TGM2: variants seen among roughly 807,000 people sequenced by gnomAD.
The protein encoded by TGM2 is protein-glutamine gamma-glutamyltransferase 2.
Under a neutral mutation model 75.6 loss-of-function variants are expected in TGM2, and 53 were observed. The observed-to-expected ratio is 0.70, with a 90% CI of 0.56 to 0.88. The LOEUF (loss-of-function observed/expected upper bound fraction) is 0.88. Among genes scored for constraint, TGM2 ranks in the 40% least tolerant of loss-of-function variants. TGM2 has a pLI of 0.00. For missense variants in TGM2, 842 were observed against 928.5 expected, an observed-to-expected ratio of 0.91 and a Z score of 1.21; for synonymous variants, 374 against 381.1, an observed-to-expected ratio of 0.98 and a Z score of 0.22.
chr20:38,158,636 T>G (rs544466436), intron 2 of TGM2, among the ~76,000 whole-genome samples: 133 of 152,304 alleles, frequency 8.7e-4, no homozygotes, highest in Non-Finnish European at 1.5e-3. Context: ...GGATGGCATT[T>G]GTCTAGTGTG....
At chr20:38,135,710 G>T (rs1483168869) in intron 10 of TGM2, among the ~76,000 whole-genome samples, 1 of 152,130 alleles carries the variant, frequency 6.6e-6, no homozygotes, top group Non-Finnish European at 1.5e-5. Flanking sequence ...AGGGACACAG[G>T]AACCCCCGAG....
At chr20:38,146,123 T>C (rs2075042033) in intron 6 of TGM2, 1 of 155,126 alleles carries the variant, frequency 6.4e-6, no homozygotes, top group East Asian at 1.9e-4. Context: ...CCTTAAATTT[T>C]GAAGATTTTT....
intron 7 of TGM2, among the ~76,000 whole-genome samples, 187 bp downstream of exon 7, chr20:38,141,877 G>A (rs2074979379): frequency 2.0e-5 from 3 of 152,086 alleles, no homozygotes; most frequent in African/African-American, 7.2e-5. Context: ...TTTGCAGCAT[G>A]ATTCTTCCTG....
chr20:38,142,086 C>T lies in TGM2; in HGVS notation c.973G>A (p.Gly325Ser), dbSNP rs1236694970. ...CACCAGATCATCTCGCTCTTGTCACCCTGGATCTCCCCAAACTCATTGCGG... is the reference window on the plus strand; with the variant it reads ...CACCAGATCATCTCGCTCTTGTCACTCTGGATCTCCCCAAACTCATTGCGG... ...YFRNEFGEIQ[G>S]DKSEMIWNFH... is the part of the protein sequence containing the mutation. Residue 325 changes from glycine to serine, a missense_variant, in exon 7 of 13, where the codon GGT becomes AGT. Coordinates refer to ENST00000361475, the MANE Select transcript of TGM2 (RefSeq NM_004613.4). 6.2e-7 allele frequency: 1 copy of T among 1,614,146 alleles called. No individual in the cohort carries two copies. The highest frequency in any genetic ancestry group is 8.5e-7 in the Non-Finnish European group (1 of 1,180,026).
At position 38,138,408 on chromosome 20, in the gene TGM2, C is replaced by T. The variant is rs768910383; in HGVS notation, c.1343-23G>A. The T allele has an allele frequency of 5.6e-6, 9 of 1,613,176 alleles. No individual in the cohort carries two copies. The South Asian group carries it at 6.6e-5, about 12-fold the overall frequency. On this transcript the variant is annotated intron_variant, in intron 9 of 12. Coordinates refer to ENST00000361475, the MANE Select transcript of TGM2 (RefSeq NM_004613.4). ...ACCCTGTAGGGGTTGAGAAGAGAGC[C>T]TCAATCACAGCTGGAATAGATCACA...
rs750556664 is a variant in TGM2 at position 38,155,944 on chromosome 20, G to A, written c.336C>T (p.Ile112=). Residue 112 remains isoleucine, a synonymous_variant, in exon 3 of 13, where the codon ATC becomes ATT. Transcript: ENST00000361475. ...CCTCCAGGCTGAGGCGATACAGGCC[G>A]ATGGGGGCGTTGGCCGGGGTGGTGA... The part of the protein sequence containing the change: ...LQLTTPANAP[I]GLYRLSLEAS... 6.8e-6 allele frequency: 11 copies of A among 1,612,226 alleles called. No individual in the cohort carries two copies. In the African/African-American group the frequency reaches 9.3e-5, roughly 14 times the overall value.
At chr20:38,155,213 G>C (rs1600512771) in intron 3 of TGM2, among the ~76,000 whole-genome samples, 1 of 152,216 alleles carries the variant, frequency 6.6e-6, no homozygotes, top group Non-Finnish European at 1.5e-5. Flanking sequence ...CCCTATTCCT[G>C]ATGTGGGGCT....
intron 6 of TGM2, among the ~76,000 whole-genome samples, chr20:38,145,167 C>A (rs536091324): frequency 6.6e-6 from 1 of 152,274 alleles, no homozygotes; most frequent in East Asian, 1.9e-4. Flanking sequence ...GCAAGGACAG[C>A]CGAGCTGAGA....
At chr20:38,166,672 G>T (rs1425230773), upstream of TGM2, 1 of 152,206 alleles carries the variant, frequency 6.6e-6, no homozygotes, top group African/African-American at 2.4e-5. Context: ...GAAGATAGAA[G>T]TAGCCCCCGT....
intron 11 of TGM2, among the ~76,000 whole-genome samples, chr20:38,131,952 T>C (rs2122846872): frequency 6.6e-6 from 1 of 152,186 alleles, no homozygotes; most frequent in African/African-American, 2.4e-5. Flanking sequence ...CAAACTCACA[T>C]GCCCAGGGCT....
At position 38,131,247 on chromosome 20, in the gene TGM2, G is replaced by A. The variant is rs773723279; in HGVS notation, c.1777-18C>T. 3 of 1,613,324 alleles carry A rather than the reference G, an allele frequency of 1.9e-6. No homozygotes were observed. Among genetic ancestry groups the A allele is most frequent in the African/African-American group, 2.7e-5 (2 of 74,988 alleles). ...CCAAGGATCTGGAAGAGGGCATGGG[G>A]CAGATGTCAAGGGCAGGTGGGATCC... On this transcript the variant is annotated intron_variant, in intron 11 of 12. Transcript: ENST00000361475.
intron 10 of TGM2, among the ~76,000 whole-genome samples, chr20:38,137,109 C>T (rs2074909518): frequency 6.6e-6 from 1 of 152,208 alleles, no homozygotes; most frequent in South Asian, 2.1e-4. Flanking sequence ...CCTGGACGCT[C>T]CCACCTTTGG....
intron 1 of TGM2, among the ~76,000 whole-genome samples, chr20:38,163,439 A>G (rs2075277652): frequency 6.6e-6 from 1 of 152,204 alleles, no homozygotes. Context: ...TTAAATCCCA[A>G]AACAACTCCG....
chr20:38,152,450 G>A (rs1227016916), intron 3 of TGM2, among the ~76,000 whole-genome samples: 10 of 152,214 alleles, frequency 6.6e-5, no homozygotes, highest in African/African-American at 2.2e-4. Context: ...CAGCCGGGGG[G>A]TGTGGGATAA....
At chr20:38,135,404 T>C (rs951404459) in intron 10 of TGM2, among the ~76,000 whole-genome samples, 10 of 147,314 alleles carry the variant, frequency 6.8e-5, no homozygotes, top group South Asian at 2.2e-4. Flanking sequence ...CCTAAATGTA[T>C]ACACACACAC....
intron 8 of TGM2, among the ~76,000 whole-genome samples, chr20:38,141,063 C>A (rs1183191686): frequency 6.6e-6 from 1 of 152,150 alleles, no homozygotes; most frequent in African/African-American, 2.4e-5. Context: ...TTTCTTTGAG[C>A]TTCTCTGTAT....
intron 11 of TGM2, among the ~76,000 whole-genome samples, chr20:38,131,788 G>A (rs1211449514): frequency 1.3e-5 from 2 of 152,104 alleles, no homozygotes; most frequent in African/African-American, 4.8e-5. Context: ...GATGATGATG[G>A]CGATGATAAG....
upstream of TGM2, among the ~76,000 whole-genome samples, chr20:38,167,642 G>A (rs1269337790): frequency 7.2e-5 from 11 of 152,118 alleles, no homozygotes; most frequent in Non-Finnish European, 1.5e-5. Context: ...CCCAGCCCAC[G>A]AGAGATTTTT....
At chr20:38,158,324 T>G (rs2075212721) in intron 2 of TGM2, among the ~76,000 whole-genome samples, 2 of 152,236 alleles carry the variant, frequency 1.3e-5, no homozygotes, top group Admixed American at 1.3e-4. Context: ...GCTGCTCACG[T>G]AAGCTGACTT....
Sources: gnomAD v4.1 joint callset for allele counts (sites outside exome capture counted in the v4.1 genomes callset) on GRCh38, gnomAD v4.1.1 for gene constraint, MANE v1.5 for transcripts, NCBI Gene and HGNC (gene_info 2026-07-23, HGNC 2026-07-21) for gene names.